The following NFKBIZ variants were observed in gnomAD, a reference collection of about 807,000 sequenced individuals.
NFKBIZ encodes NFKB inhibitor zeta.
A neutral mutation model predicts 76.8 loss-of-function variants in NFKBIZ; 19 were observed. The observed-to-expected ratio is 0.25, with a 90% CI of 0.17 to 0.36. The LOEUF (loss-of-function observed/expected upper bound fraction) is 0.36, where lower values mean the gene tolerates loss of function less well. NFKBIZ is among the 10% of genes least tolerant of loss of function. NFKBIZ has a pLI of 1.00. For missense variants in NFKBIZ, 829 were observed against 910.9 expected (o/e 0.91, Z 1.16); for synonymous variants, 368 against 354.8 (o/e 1.04, Z -0.42).
chr3:101,856,916 T>C lies in NFKBIZ; in HGVS notation c.1825-157T>C, dbSNP rs189590316. The C allele has an allele frequency of 5.2e-6, 3 of 582,094 alleles. No homozygotes were observed. In the African/African-American group the frequency reaches 5.6e-5, roughly 11 times the overall value. The allele number at this position is 582,094 out of a possible 1,614,324, so 36.1% of individuals were successfully genotyped here. A position where few individuals can be genotyped will look rare whatever the true frequency, so the allele number is the denominator to read the frequency against. On this transcript the variant is annotated intron_variant, in intron 9 of 11. Transcript: ENST00000326172. ...ATTTAAGAGGAATAAAAGATTCCAT[T>C]TAGCTTGGGATTAAGCAAGGCATTT...
At chr3:101,836,183 A>T (rs1447853979) in intron 2 of NFKBIZ, among the ~76,000 whole-genome samples, 3 of 152,310 alleles carry the variant, frequency 2.0e-5, no homozygotes, top group African/African-American at 7.2e-5. Context: ...ATGGAATTAG[A>T]ACTCAGAGAA....
At chr3:101,836,947 T>A (rs1942728215) in intron 2 of NFKBIZ, among the ~76,000 whole-genome samples, 1 of 152,222 alleles carries the variant, frequency 6.6e-6, no homozygotes, top group African/African-American at 2.4e-5. Context: ...TACTTTTATA[T>A]TTTTTGTAAC....
Position 101,860,878 on chromosome 3 carries a change from C to T in NFKBIZ, c.*1507C>T, listed in dbSNP as rs1441462058. On this transcript the variant is annotated 3_prime_UTR_variant, in exon 12 of 12. Transcript: ENST00000326172. ...CTTAAATTCTTTTTAAAAAGATACC[C>T]TTTGGATTGATCACATTGTTTGACC... 6.6e-6 allele frequency: 1 copy of T among 150,960 alleles called. No individual in the cohort carries two copies. The highest frequency in any genetic ancestry group is 6.6e-5 in the Admixed American group (1 of 15,152). 9.4% of individuals were successfully genotyped at this position (150,960 alleles called of 1,614,324 possible). A position where few individuals can be genotyped will look rare whatever the true frequency, so the allele number is the denominator to read the frequency against.
upstream of NFKBIZ, among the ~76,000 whole-genome samples, chr3:101,844,663 C>T (rs537711758): frequency 6.6e-6 from 1 of 152,352 alleles, no homozygotes; most frequent in Non-Finnish European, 1.5e-5. Context: ...GTCCATAGAT[C>T]TATCCATTTC....
chr3:101,853,291 G>C lies in NFKBIZ; in HGVS notation c.765G>C (p.Gln255His). 6.2e-7 allele frequency: 1 copy of C among 1,614,122 alleles called. No individual in the cohort carries two copies. ...VPQSSPAEQC[Q>H]DFHGGQVFSP... ...AGAGCTCCCCCGCAGAGCAGTGTCA[G>C]GACTTCCATGGAGGGCAGGTCTTTT... is the stretch of plus-strand genomic sequence containing the variant. Residue 255 changes from glutamine to histidine, a missense_variant, in exon 5 of 12, where the codon CAG (glutamine) becomes CAC (histidine). Gln to His is a conservative substitution (Grantham distance 24). Coordinates refer to ENST00000326172, the MANE Select transcript of NFKBIZ (RefSeq NM_031419.4).
chr3:101,832,300 A>T (rs1256619905), intron 2 of NFKBIZ, among the ~76,000 whole-genome samples: 1 of 152,088 alleles, frequency 6.6e-6, no homozygotes, highest in Non-Finnish European at 1.5e-5. Flanking sequence ...TATATTTTTA[A>T]ATTGTGATAA....
Position 101,855,361 on chromosome 3 carries a change from G to A in NFKBIZ, c.1591-34G>A, listed in dbSNP as rs754634375. The A allele has an allele frequency of 5.6e-6, 9 of 1,611,918 alleles. No homozygotes were observed. In the Admixed American group the frequency reaches 1.3e-4, roughly 24 times the overall value. ...TCTAATAGGTATATGCGCAGCTTAT[G>A]TAGCTAACAGATGTCTGTTTTTAAA... is the stretch of plus-strand genomic sequence containing the variant. On this transcript the variant is annotated intron_variant, in intron 7 of 11. Transcript: ENST00000326172.
chr3:101,849,408 AG>A, upstream of NFKBIZ: 1 of 363,986 alleles, frequency 2.7e-6, no homozygotes, highest in East Asian at 4.2e-5. Context: ...CATCCGGAGG[AG>A]GGGCTGGGAG....
At chr3:101,857,851 G>T (rs1046864355) in intron 11 of NFKBIZ, 10 of 952,294 alleles carry the variant, frequency 1.1e-5, no homozygotes, top group Non-Finnish European at 1.3e-5. Context: ...GTTACATGTG[G>T]AGTGCTCACA....
Position 101,844,293 on chromosome 3 carries a change from A to T in NFKBIZ, c.-11-7792A>T, listed in dbSNP as rs113576746. Among the ~76,000 whole-genome samples, 489 of 152,348 alleles carry T rather than the reference A, an allele frequency of 3.2e-3. 1 individual carries two copies. Among genetic ancestry groups the T allele is most frequent in the African/African-American group, 0.01 (433 of 41,576 alleles). ...TCTTGCCACATAAAATATTAAAATG[A>T]TGTATACAAGAGTCAATTAATATTG... On this transcript the variant is annotated intron_variant, in intron 2 of 12. Transcript: ENST00000394054.
In NFKBIZ at chr3:101,849,689, G is replaced by A; in HGVS notation, c.61G>A (p.Gly21Ser). 7.2e-7 allele frequency: 1 copy of A among 1,390,102 alleles called. No homozygotes were observed. The highest frequency in any genetic ancestry group is 9.3e-7 in the Non-Finnish European group (1 of 1,079,392). The allele number at this position is 1,390,102 out of a possible 1,614,324, so 86.1% of individuals were successfully genotyped here. ...RGGEGLRDAA[G>S]GCGLMTSPLN... ...CGGAGAGGGGCTGCGGGACGCGGCG[G>A]GCGGCTGCGGCCTCATGACCAGCCC... is the stretch of plus-strand genomic sequence containing the variant. The change falls in exon 1 of 12, where the codon GGC becomes AGC. Residue 21 changes from glycine to serine, a missense_variant. Around this residue, in one of 4 missense-constraint regions of NFKBIZ, gnomAD observed 181 missense variants for 175.3 expected, o/e 1.03. Coordinates refer to ENST00000326172, the MANE Select transcript of NFKBIZ (RefSeq NM_031419.4).
rs1942916975 is a variant in NFKBIZ, at chr3:101,849,715, G to GC, written c.88dup (p.Leu30ProfsTer69). On this transcript the variant is annotated frameshift_variant, in exon 1 of 12. Transcript: ENST00000326172. LOFTEE classifies it high-confidence loss of function. ...GCGGCTGCGGCCTCATGACCAGCCC[G>GC]CTCAACCTGAGCTACTTCTACGGCG... 7.0e-7 allele frequency: 1 copy of GC among 1,437,114 alleles called. No homozygotes were observed. The highest frequency in any genetic ancestry group is 1.5e-5 in the African/African-American group (1 of 67,186). 89.0% of individuals were successfully genotyped at this position (1,437,114 alleles called of 1,614,324 possible).
upstream of NFKBIZ, among the ~76,000 whole-genome samples, chr3:101,847,796 C>G (rs1399068046): frequency 6.6e-6 from 1 of 152,156 alleles, no homozygotes; most frequent in African/African-American, 2.4e-5. Context: ...TTACTTTGGA[C>G]CTACCCCCAC....
chr3:101,833,749 C>G (rs759915766), intron 2 of NFKBIZ, among the ~76,000 whole-genome samples: 1 of 152,152 alleles, frequency 6.6e-6, no homozygotes, highest in Non-Finnish European at 1.5e-5. Context: ...GAAAACAGTT[C>G]TGTGTGTTTA....
At position 101,849,707 on chromosome 3, in the gene NFKBIZ, AC is replaced by A; in HGVS notation, c.81del (p.Ser28AlafsTer5). 7.0e-7 allele frequency: 1 copy of A among 1,431,684 alleles called. No individual in the cohort carries two copies. The highest frequency in any genetic ancestry group is 1.4e-5 in the South Asian group (1 of 71,204). 88.7% of individuals were successfully genotyped at this position (1,431,684 alleles called of 1,614,324 possible). Reference protein sequence around the residue: ...RDAAGGCGLMTSPLNLSYFYG... With the variant: ...RDAAGGCGLMXSPLNLSYFYG... ...CGCGGCGGGCGGCTGCGGCCTCATG[AC>A]CAGCCCGCTCAACCTGAGCTACTTC... is the stretch of plus-strand genomic sequence containing the variant. On this transcript the variant is annotated frameshift_variant, in exon 1 of 12. Coordinates refer to ENST00000326172, the MANE Select transcript of NFKBIZ (RefSeq NM_031419.4). LOFTEE classifies it high-confidence loss of function.
chr3:101,852,335 A>G, intron 2 of NFKBIZ, 111 bp downstream of exon 2: 2 of 1,326,060 alleles, frequency 1.5e-6, no homozygotes, highest in South Asian at 1.4e-5. Context: ...GAAATTTTTC[A>G]TAAGATGACA....
rs200798875 is a variant in NFKBIZ at position 101,853,612 on chromosome 3, T to G, written c.1086T>G (p.Ser362Arg). ...NIANPMQTSS[S>R]VQQQNDAHLH... Reference sequence around the variant, plus strand: ...CTAATCCCATGCAGACTTCCTCCAGTGTTCAGCAGCAAAATGATGCTCACT... The same window carrying G: ...CTAATCCCATGCAGACTTCCTCCAGGGTTCAGCAGCAAAATGATGCTCACT... The change falls in exon 5 of 12, where the codon AGT becomes AGG. Residue 362 changes from serine (S) to arginine (R), a missense_variant. By Grantham distance (110) the Ser-to-Arg change is moderately radical. Coordinates refer to ENST00000326172, the MANE Select transcript of NFKBIZ (RefSeq NM_031419.4). 2 of 1,614,130 alleles carry G rather than the reference T, an allele frequency of 1.2e-6. No homozygotes were observed. The highest frequency in any genetic ancestry group is 1.7e-5 in the Admixed American group (1 of 60,012).
chr3:101,841,696 C>T (rs1942786498), intron 2 of NFKBIZ, among the ~76,000 whole-genome samples: 1 of 152,112 alleles, frequency 6.6e-6, no homozygotes, highest in Admixed American at 6.5e-5. Context: ...AAGCATTCAA[C>T]AAATCAACAT....
At chr3:101,858,177 C>T in intron 11 of NFKBIZ, 1 of 985,290 alleles carries the variant, frequency 1.0e-6, no homozygotes. Flanking sequence ...TCATTACATA[C>T]TTTACTAATC....
Sources: allele counts gnomAD v4.1 joint callset (sites outside exome capture counted in the v4.1 genomes callset), GRCh38; gene constraint gnomAD v4.1.1; regional missense constraint gnomAD v4.1.1; transcripts MANE v1.5; gene names NCBI Gene and HGNC (gene_info 2026-07-23, HGNC 2026-07-21).